UGT1A10: variants seen among roughly 807,000 people sequenced by gnomAD.
UGT1A10 encodes UDP-glucuronosyltransferase 1A10.
A neutral mutation model predicts 45.8 loss-of-function variants in UGT1A10; 49 were observed. The observed-to-expected ratio is 1.07, with a 90% CI of 0.85 to 1.36. The LOEUF is 1.36. UGT1A10 is among the 40% of genes most tolerant of loss of function. The pLI, the probability that UGT1A10 is intolerant of heterozygous loss-of-function variation, is 0.00. For synonymous variants in UGT1A10, 284 were observed against 249.7 expected (o/e 1.14, Z -1.29); for missense variants, 745 against 668.6 (o/e 1.11, Z -1.26).
At chr2:233,710,810 A>G (rs2076149452) in intron 1 of UGT1A10, among the ~76,000 whole-genome samples, 2 of 152,196 alleles carry the variant, frequency 1.3e-5, no homozygotes, top group African/African-American at 4.8e-5. Context: ...CTCGTGCCCT[A>G]TCTAAGGAAT....
chr2:233,674,300 C>T (rs74471804), intron 1 of UGT1A10, among the ~76,000 whole-genome samples: 51 of 152,218 alleles, frequency 3.4e-4, no homozygotes, highest in African/African-American at 1.1e-3. Flanking sequence ...GCATGACTTT[C>T]GGATCTTCAC....
At chr2:233,759,038 G>T (rs1395341840) in intron 1 of UGT1A10, among the ~76,000 whole-genome samples, 2 of 152,168 alleles carry the variant, frequency 1.3e-5, no homozygotes, top group African/African-American at 2.4e-5. Context: ...TTGGTTTCCT[G>T]TTGTGAACAA....
At chr2:233,669,255 A>T (rs1173800851) in intron 1 of UGT1A10, among the ~76,000 whole-genome samples, 8 of 150,946 alleles carry the variant, frequency 5.3e-5, no homozygotes, top group South Asian at 2.1e-4. Flanking sequence ...ATTGCTCTCC[A>T]TTTTTTTTTC....
At chr2:233,737,324 G>A (rs1000160542) in intron 1 of UGT1A10, among the ~76,000 whole-genome samples, 2 of 152,246 alleles carry the variant, frequency 1.3e-5, no homozygotes, top group Non-Finnish European at 2.9e-5. Context: ...TGCTGCACTA[G>A]CAGTGAGCAA....
At chr2:233,665,848 A>G (rs1033644054) in intron 1 of UGT1A10, among the ~76,000 whole-genome samples, 3 of 152,136 alleles carry the variant, frequency 2.0e-5, no homozygotes, top group Non-Finnish European at 2.9e-5. Flanking sequence ...TTACCTTTTT[A>G]AGAATTTGCC....
chr2:233,666,599 GT>G (rs925790057), intron 1 of UGT1A10, among the ~76,000 whole-genome samples: 2 of 150,876 alleles, frequency 1.3e-5, no homozygotes, highest in South Asian at 2.1e-4. Context: ...GTCTGTAGAT[GT>G]TTTTTTTAAA....
At chr2:233,745,702 A>T (rs1693179488) in intron 1 of UGT1A10, among the ~76,000 whole-genome samples, 1 of 150,000 alleles carries the variant, frequency 6.7e-6, no homozygotes, top group East Asian at 2.0e-4. Flanking sequence ...GAGAACAACA[A>T]GTGATCCAGA....
chr2:233,694,603 G>C (rs192830777), intron 1 of UGT1A10, among the ~76,000 whole-genome samples: 4 of 152,306 alleles, frequency 2.6e-5, no homozygotes. Context: ...AAGGGCTTCA[G>C]GCAACTCCCT....
rs763517271 is a variant in UGT1A10, at chr2:233,665,607, T to C, written c.855+28230T>C. 1.3e-4 allele frequency among the ~76,000 whole-genome samples: 20 copies of C among 152,202 alleles called. 1 individual carries two copies. The highest frequency in any genetic ancestry group is 4.4e-5 in the Non-Finnish European group (3 of 68,036). On this transcript the variant is annotated intron_variant, in intron 1 of 4. Transcript: ENST00000344644. ...GCAGGAGAAACAGTTTAGCATTGGT[T>C]GGTTTGAATAATTTCAGTGGGCTCT...
chr2:233,715,342 A>G (rs1189143165), intron 1 of UGT1A10, among the ~76,000 whole-genome samples: 2 of 150,484 alleles, frequency 1.3e-5, no homozygotes, highest in African/African-American at 2.5e-5. Context: ...TGGTGCATGT[A>G]GGTTTGAGGT....
chr2:233,755,203 AC>A (rs1695811923), intron 1 of UGT1A10: 1 of 1,097,556 alleles, frequency 9.1e-7, no homozygotes, highest in East Asian at 4.8e-5. Flanking sequence ...AGCTTGCGGT[AC>A]GCCTTCTTGA....
chr2:233,682,234 G>A (rs776939121), intron 1 of UGT1A10: 21 of 1,614,046 alleles, frequency 1.3e-5, no homozygotes, highest in Admixed American at 1.2e-4. Context: ...CTCGCTGGAC[G>A]GCACCATTGC....
chr2:233,683,825 T>C lies in UGT1A10; in HGVS notation c.855+46448T>C, dbSNP rs570191336. ...GTAGTCATATTACTAAACTCTCGTATTAGTATGTAAGGTGTATTAAGTATG... is the reference window on the plus strand; with the variant it reads ...GTAGTCATATTACTAAACTCTCGTACTAGTATGTAAGGTGTATTAAGTATG... On this transcript the variant is annotated intron_variant, in intron 1 of 4. Transcript: ENST00000344644. 5.9e-5 allele frequency among the ~76,000 whole-genome samples: 9 copies of C among 152,290 alleles called. No individual in the cohort carries two copies. In the South Asian group the frequency reaches 1.9e-3, roughly 32 times the overall value.
chr2:233,712,586 G>T (rs1354948731), intron 1 of UGT1A10, among the ~76,000 whole-genome samples: 1 of 152,210 alleles, frequency 6.6e-6, no homozygotes, highest in African/African-American at 2.4e-5. Context: ...ATCCAGCAGA[G>T]ACCATATGGT....
intron 1 of UGT1A10, among the ~76,000 whole-genome samples, chr2:233,735,766 T>C (rs2078690573): frequency 1.3e-5 from 2 of 152,218 alleles, no homozygotes; most frequent in African/African-American, 4.8e-5. Flanking sequence ...CCTTCACTTA[T>C]GAAGCTTACT....
rs145239529 is a variant in UGT1A10, at chr2:233,769,464, C to CGT, written c.1295+1039_1295+1040dup. ...GGGTGCACACGTGTGCATTCATATGCGTGTGTGTGTGTGTGCGTGTGTTTA... is the reference window on the plus strand; with the variant it reads ...GGGTGCACACGTGTGCATTCATATGCGTGTGTGTGTGTGTGTGCGTGTGTTTA... On this transcript the variant is annotated intron_variant, in intron 4 of 4. Coordinates refer to ENST00000344644, the MANE Select transcript of UGT1A10 (RefSeq NM_019075.4). This position sits in a 1 kb window ranked among gnomAD's most constrained non-coding sequence, Gnocchi z 4.4. 1.1e-3 allele frequency: 1,584 copies of CGT among 1,481,010 alleles called. 6 individuals are homozygous for CGT. The African/African-American group carries it at 0.012, about 11-fold the overall frequency. 91.7% of individuals were successfully genotyped at this position (1,481,010 alleles called of 1,614,324 possible).
intron 1 of UGT1A10, chr2:233,713,871 G>A: frequency 5.0e-6 from 8 of 1,613,804 alleles, no homozygotes; most frequent in Non-Finnish European, 6.8e-6. Flanking sequence ...CTGTATTGGT[G>A]CCTTTATCCA....
At chr2:233,732,493 G>A (rs141356640) in intron 1 of UGT1A10, among the ~76,000 whole-genome samples, 3,223 of 152,294 alleles carry the variant, frequency 0.021, 102 homozygotes, top group African/African-American at 0.073. Context: ...TGTATAAGGC[G>A]TAAGGAAGGG....
intron 1 of UGT1A10, among the ~76,000 whole-genome samples, chr2:233,708,034 T>C (rs1391867324): frequency 2.6e-5 from 4 of 152,230 alleles, no homozygotes; most frequent in Non-Finnish European, 5.9e-5. Flanking sequence ...TTGGCAGTTA[T>C]AGATATTGCA....
Sources: gnomAD v4.1 joint callset for allele counts (sites outside exome capture counted in the v4.1 genomes callset) on GRCh38, gnomAD v4.1.1 for gene constraint, Gnocchi (gnomAD v3.1) non-coding constraint, MANE v1.5 for transcripts, NCBI Gene and HGNC (gene_info 2026-07-23, HGNC 2026-07-21) for gene names.